Variants in WWOX observed in about 807,000 individuals in gnomAD.
WWOX encodes the protein WW domain-containing oxidoreductase.
Under a neutral mutation model 46.2 loss-of-function variants are expected in WWOX, and 69 were observed. That is an observed-to-expected ratio of 1.49 (90% CI 1.23 to 1.82). WWOX has a LOEUF of 1.82. Ranked by LOEUF, WWOX falls within the 40% of genes most tolerant of loss-of-function variation. The pLI is 0.00. For synonymous variants in WWOX, 359 were observed against 202.6 expected, an observed-to-expected ratio of 1.77 and a Z score of -6.56; for missense variants, 919 against 542.6, an observed-to-expected ratio of 1.69 and a Z score of -6.89.
chr16:78,913,337 G>T (rs1311919270), intron 8 of WWOX, among the ~76,000 whole-genome samples: 1 of 151,952 alleles, frequency 6.6e-6, no homozygotes, highest in African/African-American at 2.4e-5. Flanking sequence ...GCCTCTGCCT[G>T]TTAGGTGCAG....
intron 1 of WWOX, among the ~76,000 whole-genome samples, chr16:78,105,894 C>T (rs894213891): frequency 1.6e-4 from 24 of 152,200 alleles, no homozygotes; most frequent in Admixed American, 1.2e-3. Context: ...CTCCACCTCC[C>T]AGGTTCAGGA....
intron 8 of WWOX, among the ~76,000 whole-genome samples, chr16:78,888,386 G>C (rs542840450): frequency 6.6e-6 from 1 of 152,264 alleles, no homozygotes; most frequent in Admixed American, 6.5e-5. Flanking sequence ...CTTGGCCCTT[G>C]GGTCCCTGTT....
chr16:78,370,508 A>AT lies in WWOX; in HGVS notation c.517-16345dup, dbSNP rs372525857. Among the ~76,000 whole-genome samples, 8 of 149,832 alleles carry AT rather than the reference A, an allele frequency of 5.3e-5. No homozygotes were observed. The East Asian group carries it at 1.6e-3, about 29-fold the overall frequency. ...GGTATCTACGATGTTTTTTTTTTTG[A>AT]TTTTTTTATGTCATTTTAAATGTTT... On this transcript the variant is annotated intron_variant, in intron 5 of 8. Transcript: ENST00000566780.
At chr16:78,422,508 C>G (rs1045519487) in intron 6 of WWOX, among the ~76,000 whole-genome samples, 7 of 150,318 alleles carry the variant, frequency 4.7e-5, no homozygotes, top group African/African-American at 1.5e-4. Context: ...CCACACCTGG[C>G]TCACTTTCGG....
intron 8 of WWOX, among the ~76,000 whole-genome samples, chr16:79,186,776 C>A (rs1195771183): frequency 1.3e-5 from 2 of 152,082 alleles, no homozygotes; most frequent in Non-Finnish European, 2.9e-5. Flanking sequence ...CCAATCCTCA[C>A]GCTAGCATTT....
chr16:78,596,315 C>A (rs1354067500), intron 8 of WWOX, among the ~76,000 whole-genome samples: 3 of 152,060 alleles, frequency 2.0e-5, no homozygotes, highest in Non-Finnish European at 4.4e-5. Flanking sequence ...TTCTGCTAGG[C>A]CTGGGTCTAC....
intron 8 of WWOX, among the ~76,000 whole-genome samples, chr16:78,454,070 A>G (rs2083753702): frequency 6.6e-6 from 1 of 152,176 alleles, no homozygotes; most frequent in East Asian, 1.9e-4. Context: ...GTATTTATTT[A>G]TTAACTAATA....
At chr16:78,923,988 GT>G (rs368146839) in intron 8 of WWOX, among the ~76,000 whole-genome samples, 11 of 151,008 alleles carry the variant, frequency 7.3e-5, no homozygotes, top group South Asian at 2.1e-4. Flanking sequence ...ATTTTGTTTT[GT>G]TTTTTTTAGT....
intron 8 of WWOX, among the ~76,000 whole-genome samples, chr16:78,557,233 A>G (rs1324120418): frequency 2.6e-5 from 4 of 152,076 alleles, no homozygotes; most frequent in Non-Finnish European, 5.9e-5. Context: ...CATGATTATT[A>G]TTATTTACCT....
intron 8 of WWOX, among the ~76,000 whole-genome samples, chr16:78,773,210 T>C (rs1319880981): frequency 6.6e-6 from 1 of 152,150 alleles, no homozygotes; most frequent in Non-Finnish European, 1.5e-5. Flanking sequence ...GCAGTTAATA[T>C]ATATTTGTTC....
At position 78,425,200 on chromosome 16, in the gene WWOX, G is replaced by C. The variant is rs896915322; in HGVS notation, c.791+145G>C. 3.5e-5 allele frequency: 39 copies of C among 1,107,042 alleles called. No individual in the cohort carries two copies. The African/African-American group carries it at 5.1e-4, about 15-fold the overall frequency. 68.6% of individuals were successfully genotyped at this position (1,107,042 alleles called of 1,614,324 possible). ...CAGCTTGGCTCACTTAATTTTTCCAGGTCTTTTTTGTTCGCCTGTGATTGT... is the reference window on the plus strand; with the variant it reads ...CAGCTTGGCTCACTTAATTTTTCCACGTCTTTTTTGTTCGCCTGTGATTGT... On this transcript the variant is annotated intron_variant, in intron 7 of 8. Transcript: ENST00000566780.
Position 78,702,955 on chromosome 16 carries a change from C to T in WWOX, c.1056+270203C>T, listed in dbSNP as rs2048255939. ...AGCTCTCCTCCTTTTCCAGAACTCC[C>T]ACACTTGCTCTTGTAGATCATCATA... is the stretch of plus-strand genomic sequence containing the variant. On this transcript the variant is annotated intron_variant, in intron 8 of 8. Transcript: ENST00000566780. 2.0e-5 allele frequency among the ~76,000 whole-genome samples: 3 copies of T among 152,166 alleles called. No individual in the cohort carries two copies. The South Asian group carries it at 6.2e-4, about 32-fold the overall frequency.
chr16:78,721,508 G>T (rs186142350), intron 8 of WWOX, among the ~76,000 whole-genome samples: 1 of 152,200 alleles, frequency 6.6e-6, no homozygotes, highest in Non-Finnish European at 1.5e-5. Flanking sequence ...TGGTGGCGGG[G>T]TTGTGGGCTG....
At chr16:78,686,977 A>G (rs2047876254) in intron 8 of WWOX, among the ~76,000 whole-genome samples, 3 of 152,246 alleles carry the variant, frequency 2.0e-5, no homozygotes, top group African/African-American at 7.2e-5. Context: ...GTGGAACATC[A>G]CGATCTATAT....
At chr16:78,580,174 A>G (rs998422068) in intron 8 of WWOX, among the ~76,000 whole-genome samples, 2 of 151,756 alleles carry the variant, frequency 1.3e-5, no homozygotes, top group African/African-American at 4.8e-5. Flanking sequence ...CCCAAGTTCA[A>G]GTGATTCTCC....
chr16:78,818,663 C>T (rs558910701), intron 8 of WWOX, among the ~76,000 whole-genome samples: 7 of 152,132 alleles, frequency 4.6e-5, no homozygotes, highest in South Asian at 2.1e-4. Context: ...CCTCGTAGGT[C>T]GAGGCTGCAG....
chr16:78,630,575 G>A (rs995753819), intron 8 of WWOX, among the ~76,000 whole-genome samples: 1 of 152,180 alleles, frequency 6.6e-6, no homozygotes, highest in Non-Finnish European at 1.5e-5. Context: ...CTAATTAAAT[G>A]CATCCTGTGT....
chr16:78,266,440 C>T (rs2079364348), intron 5 of WWOX, among the ~76,000 whole-genome samples: 1 of 152,146 alleles, frequency 6.6e-6, no homozygotes, highest in Admixed American at 6.5e-5. Context: ...AAAATACTCT[C>T]TGCTCCTTTC....
At chr16:79,052,884 C>T (rs1295388893) in intron 8 of WWOX, among the ~76,000 whole-genome samples, 18 of 145,542 alleles carry the variant, frequency 1.2e-4, no homozygotes, top group Admixed American at 1.2e-3. Context: ...AAGATAATTA[C>T]TAATATGTCT....
Sources: gnomAD v4.1 joint callset for allele counts (sites outside exome capture counted in the v4.1 genomes callset) on GRCh38, gnomAD v4.1.1 for gene constraint, MANE v1.5 for transcripts, NCBI Gene and HGNC (gene_info 2026-07-23, HGNC 2026-07-21) for gene names.